The following GCA variants were observed in gnomAD, a reference collection of about 807,000 sequenced individuals.
GCA encodes the protein grancalcin, EF-hand calcium-binding protein.
Under a neutral mutation model 32.6 loss-of-function variants are expected in GCA, and 30 were observed. The observed-to-expected ratio is 0.92, with a 90% CI of 0.69 to 1.25. The LOEUF is 1.25. Among genes scored for constraint, GCA ranks in the 50% most tolerant of loss-of-function variants. The pLI is 0.00. For synonymous variants in GCA, 102 were observed against 84.6 expected, an observed-to-expected ratio of 1.21 and a Z score of -1.13; for missense variants, 291 against 266.8, an observed-to-expected ratio of 1.09 and a Z score of -0.63.
Position 162,321,441 on chromosome 2 carries a change from T to A in GCA, c.-31+2216T>A, listed in dbSNP as rs996022597. Reference sequence around the variant, plus strand: ...ACCATGCATAGCAATAATGTCTTTTTCAAAGAAAATGACAATAATTTTAGT... The same window carrying A: ...ACCATGCATAGCAATAATGTCTTTTACAAAGAAAATGACAATAATTTTAGT... On this transcript the variant is annotated intron_variant, in intron 1 of 4. Transcript: ENST00000429691. 5.3e-5 allele frequency among the ~76,000 whole-genome samples: 8 copies of A among 152,148 alleles called. No homozygotes were observed. The East Asian group carries it at 1.6e-3, about 30-fold the overall frequency.
chr2:162,356,318 G>A (rs1576296386), intron 3 of GCA, 120 bp from the exon 4 acceptor site: 3 of 678,412 alleles, frequency 4.4e-6, no homozygotes, highest in Middle Eastern at 3.0e-4. Context: ...CTTGTTGATT[G>A]TGGTGATTTT....
At chr2:162,347,307 A>T (rs1438339486) in intron 1 of GCA, among the ~76,000 whole-genome samples, 1 of 152,130 alleles carries the variant, frequency 6.6e-6, no homozygotes. Flanking sequence ...TTAAAATTGT[A>T]CATGTTCCTC....
chr2:162,340,429 C>A (rs1433561743), upstream of GCA, among the ~76,000 whole-genome samples: 1 of 152,210 alleles, frequency 6.6e-6, no homozygotes, highest in Non-Finnish European at 1.5e-5. Flanking sequence ...GAATAATCAT[C>A]TCACTACTTC....
chr2:162,366,591 C>T (rs1229687633), downstream of GCA, among the ~76,000 whole-genome samples: 1 of 151,870 alleles, frequency 6.6e-6, no homozygotes, highest in Non-Finnish European at 1.5e-5. Flanking sequence ...GGGCACTGAT[C>T]AATCACAACA....
chr2:162,332,725 G>C (rs1417432347), intron 1 of GCA, among the ~76,000 whole-genome samples: 2 of 151,474 alleles, frequency 1.3e-5, no homozygotes, highest in Admixed American at 6.6e-5. Flanking sequence ...AAAAGGAAGA[G>C]GGAAGTTATG....
intron 1 of GCA, among the ~76,000 whole-genome samples, chr2:162,331,871 C>A (rs1338595831): frequency 2.6e-5 from 4 of 152,060 alleles, no homozygotes; most frequent in Non-Finnish European, 4.4e-5. Context: ...TTCATTTTGG[C>A]TAAAGCTGTG....
chr2:162,343,454 G>A (rs1684515183), upstream of GCA, among the ~76,000 whole-genome samples: 1 of 152,160 alleles, frequency 6.6e-6, no homozygotes, highest in African/African-American at 2.4e-5. Context: ...GTATGTTCAC[G>A]TCCTGTGCAA....
At chr2:162,349,443 C>T (rs1305586308) in intron 2 of GCA, among the ~76,000 whole-genome samples, 4 of 151,832 alleles carry the variant, frequency 2.6e-5, no homozygotes, top group Non-Finnish European at 5.9e-5. Context: ...GTCTACAAAA[C>T]TTCTTAGAAG....
At chr2:162,351,979 A>G (rs1216507374) in intron 2 of GCA, among the ~76,000 whole-genome samples, 1 of 152,168 alleles carries the variant, frequency 6.6e-6, no homozygotes, top group Non-Finnish European at 1.5e-5. Flanking sequence ...CTCCCAAAAC[A>G]GCATGAGTGG....
downstream of GCA, among the ~76,000 whole-genome samples, chr2:162,366,688 T>C (rs1198006290): frequency 6.6e-6 from 1 of 151,862 alleles, no homozygotes; most frequent in Non-Finnish European, 1.5e-5. Context: ...AGAAAAAACT[T>C]TGGGAACATT....
intron 3 of GCA, among the ~76,000 whole-genome samples, chr2:162,356,025 T>C (rs766890128): frequency 3.3e-5 from 5 of 152,040 alleles, no homozygotes; most frequent in African/African-American, 7.2e-5. Flanking sequence ...TCATCATATG[T>C]CACTCTCTCC....
downstream of GCA, among the ~76,000 whole-genome samples, chr2:162,368,093 A>G (rs1020129910): frequency 1.3e-5 from 2 of 151,784 alleles, no homozygotes; most frequent in Non-Finnish European, 1.5e-5. Flanking sequence ...CCACCCCTAA[A>G]TTTTCTGATT....
intron 1 of GCA, among the ~76,000 whole-genome samples, chr2:162,333,851 A>C (rs1439624023): frequency 6.6e-6 from 1 of 151,572 alleles, no homozygotes; most frequent in Non-Finnish European, 1.5e-5. Flanking sequence ...ATTAAGCATA[A>C]TGTTAACATT....
downstream of GCA, among the ~76,000 whole-genome samples, chr2:162,368,010 T>A: frequency 6.6e-6 from 1 of 151,936 alleles, no homozygotes; most frequent in Non-Finnish European, 1.5e-5. Context: ...TCTTCTACAT[T>A]AGTAATTCTC....
intron 1 of GCA, among the ~76,000 whole-genome samples, chr2:162,325,097 A>G (rs1683828171): frequency 6.6e-6 from 1 of 152,218 alleles, no homozygotes; most frequent in South Asian, 2.1e-4. Flanking sequence ...TAAGAAATGA[A>G]ATATACTAAC....
intron 1 of GCA, among the ~76,000 whole-genome samples, chr2:162,332,358 A>G (rs1358336566): frequency 1.4e-5 from 2 of 146,520 alleles, no homozygotes; most frequent in Non-Finnish European, 3.0e-5. Context: ...TATTATTTAT[A>G]TATTATATGA....
At chr2:162,321,726 G>A (rs1282437834) in intron 1 of GCA, among the ~76,000 whole-genome samples, 2 of 151,710 alleles carry the variant, frequency 1.3e-5, no homozygotes, top group Admixed American at 1.3e-4. Flanking sequence ...TCAGAAGTTT[G>A]TTCTAAGGAT....
rs1245443495 is a variant in GCA, at chr2:162,360,644, A to C, written c.*401A>C. 8.0e-7 allele frequency: 1 copy of C among 1,253,356 alleles called. No individual in the cohort carries two copies. The highest frequency in any genetic ancestry group is 1.6e-5 in the African/African-American group (1 of 64,376). The allele number at this position is 1,253,356 out of a possible 1,614,324, so 77.6% of individuals were successfully genotyped here. Reference sequence around the variant, plus strand: ...CTGAAGGTTACAAATTAGACTTTTAAATTTTCTTTGTAGTTGGTGGTGTTT... The same window carrying C: ...CTGAAGGTTACAAATTAGACTTTTACATTTTCTTTGTAGTTGGTGGTGTTT... On this transcript the variant is annotated 3_prime_UTR_variant, in exon 8 of 8. Coordinates refer to ENST00000437150, the MANE Select transcript of GCA (RefSeq NM_012198.5).
intron 1 of GCA, among the ~76,000 whole-genome samples, chr2:162,323,984 G>A (rs985784412): frequency 6.6e-6 from 1 of 152,056 alleles, no homozygotes; most frequent in East Asian, 1.9e-4. Flanking sequence ...CATTGAATCT[G>A]TAAATTACCT....
Sources: allele counts gnomAD v4.1 joint callset (sites outside exome capture counted in the v4.1 genomes callset), GRCh38; gene constraint gnomAD v4.1.1; transcripts MANE v1.5; gene names NCBI Gene and HGNC (gene_info 2026-07-23, HGNC 2026-07-21).